EIF4G3: variants seen among roughly 807,000 people sequenced by gnomAD.
EIF4G3 encodes eukaryotic translation initiation factor 4 gamma 3, also known as eIF-4-gamma 3.
In EIF4G3, 34 loss-of-function variants were observed where a neutral mutation model predicts 186.4. The observed-to-expected ratio is 0.18, with a 90% CI of 0.14 to 0.24. EIF4G3 has a LOEUF of 0.24. EIF4G3 is among the 10% of genes least tolerant of loss of function. EIF4G3 has a pLI of 1.00. For missense variants in EIF4G3, 1,536 were observed against 1,948.5 expected, an observed-to-expected ratio of 0.79 and a Z score of 3.99; for synonymous variants, 673 against 679.5, an observed-to-expected ratio of 0.99 and a Z score of 0.15.
intron 3 of EIF4G3, among the ~76,000 whole-genome samples, chr1:21,052,706 G>T (rs985835293): frequency 1.3e-5 from 2 of 152,208 alleles, no homozygotes; most frequent in South Asian, 4.1e-4. Flanking sequence ...TCAGCCTGCC[G>T]AGTGCCTGCG....
At chr1:21,126,825 T>C (rs2097055320) in intron 2 of EIF4G3, among the ~76,000 whole-genome samples, 1 of 152,058 alleles carries the variant, frequency 6.6e-6, no homozygotes, top group African/African-American at 2.4e-5. Flanking sequence ...AATCCAAAGA[T>C]GCTCAATTCC....
chr1:21,099,023 C>T (rs923542735), intron 2 of EIF4G3, among the ~76,000 whole-genome samples: 1 of 152,148 alleles, frequency 6.6e-6, no homozygotes, highest in African/African-American at 2.4e-5. Flanking sequence ...CTCTTTACTT[C>T]CTTAATGAAA....
At chr1:20,988,164 G>T (rs1309652064) in intron 7 of EIF4G3, 1 of 159,902 alleles carries the variant, frequency 6.3e-6, no homozygotes, top group East Asian at 1.9e-4. Context: ...TTTAGCTCAT[G>T]AGGTTTAGTG....
chr1:20,958,111 A>G (rs1179207728), intron 12 of EIF4G3, among the ~76,000 whole-genome samples: 1 of 152,140 alleles, frequency 6.6e-6, no homozygotes, highest in Non-Finnish European at 1.5e-5. Flanking sequence ...AAAACTACAG[A>G]CCAATTTCCA....
intron 14 of EIF4G3, among the ~76,000 whole-genome samples, chr1:20,934,640 C>T (rs138015256): frequency 0.011 from 1,734 of 152,088 alleles, 16 homozygotes; most frequent in South Asian, 0.057. Context: ...TTGGGATGGA[C>T]AGTGTGAATT....
intron 20 of EIF4G3, among the ~76,000 whole-genome samples, chr1:20,869,306 ATTTTT>A (rs954573350): frequency 1.0e-5 from 1 of 97,392 alleles, no homozygotes; most frequent in Admixed American, 1.1e-4. Context: ...TTACTTTAAA[ATTTTT>A]TTTTTTTTTT....
At position 21,155,253 on chromosome 1, in the gene EIF4G3, ACT is replaced by A. The variant is rs369225658; in HGVS notation, c.-272+20920_-272+20921del. ...ACTCCAGCCTGGGAGACAGTGCGAG[ACT>A]CTGTCTCAAAAAAAAAAAAAAAAAA... On this transcript the variant is annotated intron_variant, in intron 2 of 36. Transcript: ENST00000602326. Among the ~76,000 whole-genome samples, 591 of 110,612 alleles carry A rather than the reference ACT, an allele frequency of 5.3e-3. 8 individuals are homozygous for A. Among genetic ancestry groups the A allele is most frequent in the East Asian group, 0.029 (103 of 3,546 alleles). 72.6% of individuals were successfully genotyped at this position (110,612 alleles called of 152,430 possible). A position where few individuals can be genotyped will look rare whatever the true frequency, so the allele number is the denominator to read the frequency against.
chr1:20,943,427 A>C (rs897733816), intron 13 of EIF4G3, among the ~76,000 whole-genome samples: 1 of 152,198 alleles, frequency 6.6e-6, no homozygotes, highest in African/African-American at 2.4e-5. Flanking sequence ...AACAATAATT[A>C]ACAATAATTT....
chr1:21,123,458 G>A (rs2096962717), intron 2 of EIF4G3, among the ~76,000 whole-genome samples: 1 of 151,588 alleles, frequency 6.6e-6, no homozygotes, highest in Non-Finnish European at 1.5e-5. Flanking sequence ...CAGCTACACA[G>A]GAGGCTGAGG....
chr1:20,995,268 T>C (rs998196170), intron 7 of EIF4G3, among the ~76,000 whole-genome samples: 4 of 152,220 alleles, frequency 2.6e-5, no homozygotes, highest in Non-Finnish European at 5.9e-5. Context: ...CCTTAAAGTT[T>C]CTTCTATTTT....
intron 12 of EIF4G3, among the ~76,000 whole-genome samples, chr1:20,954,063 A>G (rs1435725477): frequency 6.6e-6 from 1 of 152,244 alleles, no homozygotes; most frequent in Non-Finnish European, 1.5e-5. Flanking sequence ...ATTCATTTAG[A>G]GAAAGCCAGA....
chr1:21,138,760 G>A (rs912182207), intron 2 of EIF4G3, among the ~76,000 whole-genome samples: 5 of 151,968 alleles, frequency 3.3e-5, no homozygotes, highest in East Asian at 1.9e-4. Context: ...GCAGTGAGCC[G>A]AGATTGCACC....
At chr1:20,957,899 T>A (rs950974132) in intron 12 of EIF4G3, among the ~76,000 whole-genome samples, 1 of 152,132 alleles carries the variant, frequency 6.6e-6, no homozygotes, top group South Asian at 2.1e-4. Flanking sequence ...ATTGAATCAG[T>A]AATTTTAAAA....
chr1:21,153,828 G>A (rs1202586066), intron 2 of EIF4G3, among the ~76,000 whole-genome samples: 1 of 152,074 alleles, frequency 6.6e-6, no homozygotes, highest in African/African-American at 2.4e-5. Flanking sequence ...GCCTCCCAAA[G>A]TGCTGGGATT....
rs34150070 is a variant in EIF4G3 at position 20,876,222 on chromosome 1, C to CAAAAAAA, written c.2622+3094_2622+3100dup. Reference sequence around the variant, plus strand: ...TGGGATATAGAGTGAGAGCCTGTCTCAAAAAAAAAAAAAAAAAAAAAAAAA... The same window carrying CAAAAAAA: ...TGGGATATAGAGTGAGAGCCTGTCTCAAAAAAAAAAAAAAAAAAAAAAAAAAAAAAAA... On this transcript the variant is annotated intron_variant, in intron 20 of 36. Coordinates refer to ENST00000602326, the MANE Select transcript of EIF4G3 (RefSeq NM_001391906.1). 1.4e-4 allele frequency among the ~76,000 whole-genome samples: 2 copies of CAAAAAAA among 13,998 alleles called. 1 individual carries two copies. Among genetic ancestry groups the CAAAAAAA allele is most frequent in the Non-Finnish European group, 3.1e-4 (2 of 6,546 alleles). 9.2% of individuals were successfully genotyped at this position (13,998 alleles called of 152,430 possible).
chr1:20,964,094 T>C (rs193031573), intron 12 of EIF4G3, among the ~76,000 whole-genome samples: 132 of 152,342 alleles, frequency 8.7e-4, no homozygotes, highest in Middle Eastern at 6.8e-3. Flanking sequence ...GGGATATTCC[T>C]TATGCCTTAC....
At chr1:20,821,938 T>G (rs2062481713) in intron 33 of EIF4G3, among the ~76,000 whole-genome samples, 2 of 152,136 alleles carry the variant, frequency 1.3e-5, no homozygotes, top group African/African-American at 4.8e-5. Flanking sequence ...AGTGCAATAA[T>G]GTGATCTTGG....
intron 14 of EIF4G3, among the ~76,000 whole-genome samples, chr1:20,934,949 T>TA (rs1281793726): frequency 6.6e-6 from 1 of 152,146 alleles, no homozygotes; most frequent in Non-Finnish European, 1.5e-5. Flanking sequence ...TTACAGCACT[T>TA]AAAACTTCCT....
chr1:21,144,071 A>G (rs955388806), intron 2 of EIF4G3, among the ~76,000 whole-genome samples: 1 of 152,216 alleles, frequency 6.6e-6, no homozygotes, highest in African/African-American at 2.4e-5. Context: ...TAAATGAAGC[A>G]ATTTCATGTT....
Sources: gnomAD v4.1 joint callset for allele counts (sites outside exome capture counted in the v4.1 genomes callset) on GRCh38, gnomAD v4.1.1 for gene constraint, MANE v1.5 for transcripts, NCBI Gene and HGNC (gene_info 2026-07-23, HGNC 2026-07-21) for gene names.